The following ENOX2 variants were observed in gnomAD, a reference collection of about 807,000 sequenced individuals.
ENOX2 encodes APK1 antigen.
In ENOX2, 36 loss-of-function variants were observed where a neutral mutation model predicts 45.0. That is an observed-to-expected ratio of 0.80 (90% CI 0.61 to 1.06). The LOEUF is 1.06. Among genes scored for constraint, ENOX2 ranks in the 50% least tolerant of loss-of-function variants. The pLI is 0.00. For missense variants in ENOX2, 423 were observed against 462.5 expected, an observed-to-expected ratio of 0.91 and a Z score of 0.78; for synonymous variants, 174 against 152.3, an observed-to-expected ratio of 1.14 and a Z score of -1.05.
chrX:130,825,653 C>A, intron 2 of ENOX2, among the ~76,000 whole-genome samples: 1 of 111,388 alleles, frequency 9.0e-6, no homozygotes, highest in South Asian at 3.8e-4. Flanking sequence ...AAATTGTACA[C>A]CATTCTGAGT....
intron 5 of ENOX2, among the ~76,000 whole-genome samples, chrX:130,680,941 T>A (rs1364276342): frequency 8.9e-6 from 1 of 112,371 alleles, no homozygotes; most frequent in East Asian, 2.8e-4. Context: ...GTCTTGTTGG[T>A]GTGGCTAAGA....
intron 2 of ENOX2, among the ~76,000 whole-genome samples, chrX:130,851,571 A>T (rs2078211516): frequency 9.1e-6 from 1 of 109,607 alleles, no homozygotes; most frequent in African/African-American, 3.3e-5. Context: ...TTAGAGAGAT[A>T]TCGAACTAAT....
chrX:130,665,800 G>A (rs1482471624), intron 8 of ENOX2, 51 bp from the exon 9 acceptor site: 1 of 738,754 alleles, frequency 1.4e-6, no homozygotes, highest in Admixed American at 2.6e-5. Flanking sequence ...ATCCAGGGAT[G>A]GAAAAAGAGA....
At chrX:130,709,881 C>T (rs764912789) in intron 3 of ENOX2, among the ~76,000 whole-genome samples, 2 of 109,369 alleles carry the variant, frequency 1.8e-5, no homozygotes, top group Non-Finnish European at 3.8e-5. Flanking sequence ...CCATCATCTA[C>T]ATTAGGTATT....
chrX:130,644,437 A>G (rs2036172179), intron 10 of ENOX2, among the ~76,000 whole-genome samples: 1 of 112,592 alleles, frequency 8.9e-6, no homozygotes, highest in African/African-American at 3.2e-5. Context: ...AAATCTGCAC[A>G]TGGATGTTTA....
intron 2 of ENOX2, among the ~76,000 whole-genome samples, chrX:130,807,154 T>C (rs138831325): frequency 0.011 from 1,258 of 112,235 alleles, 25 homozygotes; most frequent in African/African-American, 0.038. Context: ...ACTGTGAAAA[T>C]AAATTTAGCC....
At chrX:130,674,460 G>T (rs891210783) in intron 6 of ENOX2, among the ~76,000 whole-genome samples, 31 of 109,140 alleles carry the variant, frequency 2.8e-4, no homozygotes, top group Non-Finnish European at 5.3e-4. Flanking sequence ...CAGGGGAAGA[G>T]AACAGAAAAA....
At chrX:130,737,276 C>A (rs2038881692) in intron 3 of ENOX2, among the ~76,000 whole-genome samples, 1 of 112,046 alleles carries the variant, frequency 8.9e-6, no homozygotes, top group East Asian at 2.8e-4. Flanking sequence ...ACCACGATAC[C>A]CAGAATAGCA....
At chrX:130,754,315 A>C (rs1446095698) in intron 3 of ENOX2, among the ~76,000 whole-genome samples, 1 of 112,344 alleles carries the variant, frequency 8.9e-6, no homozygotes, top group Non-Finnish European at 1.9e-5. Flanking sequence ...GGCTTGCGAA[A>C]AATGCATGGA....
chrX:130,811,099 T>C (rs1211650430), intron 2 of ENOX2, among the ~76,000 whole-genome samples: 1 of 111,415 alleles, frequency 9.0e-6, no homozygotes, highest in Non-Finnish European at 1.9e-5. Flanking sequence ...ACTCAGGCTC[T>C]AGGCCAGTCC....
chrX:130,754,896 T>A (rs1217496235), intron 3 of ENOX2, among the ~76,000 whole-genome samples: 3 of 112,013 alleles, frequency 2.7e-5, no homozygotes, highest in Non-Finnish European at 5.7e-5. Flanking sequence ...TCTAACATTT[T>A]AAAAAACTAC....
At chrX:130,897,923 A>G (rs1168402161) in intron 2 of ENOX2, among the ~76,000 whole-genome samples, 1 of 112,444 alleles carries the variant, frequency 8.9e-6, no homozygotes, top group Non-Finnish European at 1.9e-5. Flanking sequence ...GCAGTAATCC[A>G]GGCTAGAAGT....
intron 2 of ENOX2, among the ~76,000 whole-genome samples, chrX:130,785,473 T>G (rs1452372361): frequency 1.8e-5 from 2 of 111,936 alleles, no homozygotes; most frequent in East Asian, 2.8e-4. Flanking sequence ...TTCTGGAACT[T>G]GTCAAACATT....
At chrX:130,775,379 CA>C (rs775705510) in intron 3 of ENOX2, among the ~76,000 whole-genome samples, 361 of 97,365 alleles carry the variant, frequency 3.7e-3, no homozygotes, top group African/African-American at 0.012. Flanking sequence ...GACCCTGTCT[CA>C]AAAAAAAAAA....
chrX:130,720,951 A>G (rs2038458714), intron 3 of ENOX2, among the ~76,000 whole-genome samples: 1 of 112,131 alleles, frequency 8.9e-6, no homozygotes, highest in Admixed American at 9.4e-5. Flanking sequence ...GAATGTTACC[A>G]GTAAGACTTA....
rs370001428 is a variant in ENOX2, at chrX:130,752,562, A to G, written c.-39+30985T>C. ...TGTCTCAGTGTCTCTCTCCGGTTCT[A>G]CCTGATTCTCCTGACACTTTTTCTG... On this transcript the variant is annotated intron_variant, in intron 3 of 14. Coordinates refer to ENST00000394363, the MANE Select transcript of ENOX2 (RefSeq NM_006375.4). Among the ~76,000 whole-genome samples, 3 of 109,356 alleles carry G rather than the reference A, an allele frequency of 2.7e-5. No homozygotes were observed. The East Asian group carries it at 8.7e-4, about 32-fold the overall frequency. The allele number at this position is 109,356 out of a possible 115,157, so 95.0% of individuals were successfully genotyped here.
chrX:130,722,893 G>T (rs1191504337), intron 3 of ENOX2, among the ~76,000 whole-genome samples: 1 of 112,412 alleles, frequency 8.9e-6, no homozygotes, highest in African/African-American at 3.2e-5. Flanking sequence ...TACTCAATGA[G>T]AACTGATTCA....
intron 2 of ENOX2, among the ~76,000 whole-genome samples, chrX:130,804,567 G>A (rs2077270007): frequency 9.0e-6 from 1 of 111,415 alleles, no homozygotes; most frequent in Admixed American, 9.5e-5. Context: ...CACCTAAAAG[G>A]CTTCTCTTTG....
At chrX:130,864,763 C>A (rs1013298525) in intron 2 of ENOX2, among the ~76,000 whole-genome samples, 8 of 112,063 alleles carry the variant, frequency 7.1e-5, no homozygotes, top group African/African-American at 2.6e-4. Flanking sequence ...CTTGTAATCC[C>A]AGCACTTTGG....
Sources: allele counts gnomAD v4.1 joint callset (sites outside exome capture counted in the v4.1 genomes callset), GRCh38; gene constraint gnomAD v4.1.1; transcripts MANE v1.5; gene names NCBI Gene and HGNC (gene_info 2026-07-23, HGNC 2026-07-21).